Variants in MAGT1 observed in about 807,000 individuals in gnomAD.
The protein encoded by MAGT1 is dolichyl-diphosphooligosaccharide--protein glycosyltransferase subunit MAGT1.
MAGT1 carries 4 observed loss-of-function variants against 28.4 expected under a neutral mutation model. The observed-to-expected ratio is 0.14, with a 90% CI of 0.07 to 0.32. The LOEUF is 0.32. Among genes scored for constraint, MAGT1 ranks in the 10% least tolerant of loss-of-function variants. The pLI is 1.00. For synonymous variants in MAGT1, 89 were observed against 89.7 expected (o/e 0.99, Z 0.04); for missense variants, 193 against 264.5 (o/e 0.73, Z 1.88).
intron 2 of MAGT1, among the ~76,000 whole-genome samples, chrX:77,871,477 G>A (rs782324570): frequency 3.6e-5 from 4 of 112,162 alleles, no homozygotes; most frequent in African/African-American, 1.3e-4. Flanking sequence ...GGAGGCTGAG[G>A]TGGGTGGATC....
At chrX:77,857,582 C>T in intron 3 of MAGT1, 85 bp from the exon 4 acceptor site, 1 of 1,094,936 alleles carries the variant, frequency 9.1e-7, no homozygotes, top group Admixed American at 2.2e-5. Context: ...AGGCATTTTA[C>T]AAAGATGAGG....
chrX:77,858,671 T>C (rs1175820966), intron 3 of MAGT1, among the ~76,000 whole-genome samples: 1 of 111,724 alleles, frequency 9.0e-6, no homozygotes, highest in Non-Finnish European at 1.9e-5. Context: ...AATTAATGAA[T>C]TAATAGATTA....
chrX:77,890,941 T>C (rs1263281750), intron 1 of MAGT1, among the ~76,000 whole-genome samples: 1 of 111,628 alleles, frequency 9.0e-6, no homozygotes, highest in Non-Finnish European at 1.9e-5. Flanking sequence ...AGCATTATGA[T>C]GACCATTTTT....
chrX:77,888,659 C>T (rs868976653), intron 1 of MAGT1, among the ~76,000 whole-genome samples: 5 of 111,190 alleles, frequency 4.5e-5, no homozygotes, highest in Non-Finnish European at 7.5e-5. Flanking sequence ...CTATTAATTA[C>T]GATTTAAAGC....
chrX:77,859,141 G>T (rs1557216261), intron 3 of MAGT1, among the ~76,000 whole-genome samples: 1 of 111,345 alleles, frequency 9.0e-6, no homozygotes, highest in African/African-American at 3.3e-5. Flanking sequence ...CCGGGAGGCG[G>T]AGGTTGCAGT....
intron 8 of MAGT1, among the ~76,000 whole-genome samples, chrX:77,839,268 C>T (rs1474197562): frequency 9.4e-5 from 10 of 106,487 alleles, no homozygotes; most frequent in African/African-American, 1.4e-4. Flanking sequence ...CGCGCCACCG[C>T]ACTCCAGCCT....
At chrX:77,863,080 T>G (rs1569548083) in intron 3 of MAGT1, among the ~76,000 whole-genome samples, 1 of 109,304 alleles carries the variant, frequency 9.1e-6, no homozygotes, top group Non-Finnish European at 1.9e-5. Context: ...GGCAGGAGAA[T>G]CGCTTGAACC....
intron 7 of MAGT1, among the ~76,000 whole-genome samples, chrX:77,852,031 A>G (rs1175364234): frequency 9.2e-6 from 1 of 108,285 alleles, no homozygotes; most frequent in Non-Finnish European, 1.9e-5. Flanking sequence ...CCTGAGTAGC[A>G]GGGATTACAG....
Position 77,844,977 on chromosome X carries a change from G to A in MAGT1, c.827-3657C>T, listed in dbSNP as rs781918544. ...TATTAGGTCCGCTTGGTGCAGAGCT[G>A]AGTTCAATTCCTGGATATCCTTGTT... On this transcript the variant is annotated intron_variant, in intron 7 of 9. Transcript: ENST00000618282. Among the ~76,000 whole-genome samples the A allele has an allele frequency of 9.8e-4, 109 of 111,229 alleles. 1 individual carries two copies. Among genetic ancestry groups the A allele is most frequent in the African/African-American group, 3.5e-3 (106 of 30,649 alleles).
At chrX:77,871,893 C>T (rs1321054863) in intron 2 of MAGT1, among the ~76,000 whole-genome samples, 1 of 110,980 alleles carries the variant, frequency 9.0e-6, no homozygotes, top group African/African-American at 3.3e-5. Flanking sequence ...CCATATCTCC[C>T]ATATGCTTTC....
intron 1 of MAGT1, among the ~76,000 whole-genome samples, chrX:77,883,553 CTTTTTT>C (rs1166624171): frequency 3.2e-5 from 2 of 61,709 alleles, no homozygotes; most frequent in African/African-American, 5.9e-5. Flanking sequence ...AATTCATTTT[CTTTTTT>C]TTTTTTTTTT....
intron 1 of MAGT1, among the ~76,000 whole-genome samples, chrX:77,885,027 A>C (rs1391890771): frequency 4.9e-5 from 5 of 102,786 alleles, no homozygotes; most frequent in Non-Finnish European, 9.9e-5. Flanking sequence ...ATGCCACTGC[A>C]CTTCAGCCTG....
At chrX:77,842,554 T>C (rs1259643396) in intron 7 of MAGT1, among the ~76,000 whole-genome samples, 1 of 112,036 alleles carries the variant, frequency 8.9e-6, no homozygotes, top group African/African-American at 3.2e-5. Context: ...TGGCCGTGCG[T>C]GGTGGCTCAC....
At position 77,833,021 on chromosome X, in the gene MAGT1, A is replaced by G. The variant is rs1053633518; in HGVS notation, c.902-2126T>C. ...GAAGTGCAGCTTGCTGCCAATGCTC[A>G]TTTAATTTTATATAATCACGCTGTT... On this transcript the variant is annotated intron_variant, in intron 8 of 9. Coordinates refer to ENST00000618282, the MANE Select transcript of MAGT1 (RefSeq NM_001367916.1). Among the ~76,000 whole-genome samples the G allele has an allele frequency of 3.5e-4, 39 of 111,643 alleles. No homozygotes were observed. The Admixed American group carries it at 3.6e-3, about 10-fold the overall frequency.
At chrX:77,859,912 T>C (rs957349340) in intron 3 of MAGT1, among the ~76,000 whole-genome samples, 25 of 111,306 alleles carry the variant, frequency 2.2e-4, no homozygotes, top group African/African-American at 8.1e-4. Flanking sequence ...CCAAAGTGGC[T>C]GTGCCAAAAT....
intron 7 of MAGT1, among the ~76,000 whole-genome samples, chrX:77,842,375 T>C (rs1369268582): frequency 5.4e-5 from 6 of 110,331 alleles, no homozygotes; most frequent in African/African-American, 2.0e-4. Context: ...GCCTGCATGA[T>C]AGAACTAGAC....
At chrX:77,840,339 G>C (rs2076931516) in intron 8 of MAGT1, among the ~76,000 whole-genome samples, 1 of 109,088 alleles carries the variant, frequency 9.2e-6, no homozygotes, top group African/African-American at 3.3e-5. Context: ...AGGAGGCTGA[G>C]GCAGGAGAAT....
chrX:77,847,167 C>A (rs888480197), intron 7 of MAGT1, among the ~76,000 whole-genome samples: 5 of 112,400 alleles, frequency 4.4e-5, no homozygotes, highest in Non-Finnish European at 9.4e-5. Context: ...TGCCGCCCTG[C>A]AGTTTGATCT....
At chrX:77,852,233 T>A (rs782756103) in intron 7 of MAGT1, among the ~76,000 whole-genome samples, 1 of 112,250 alleles carries the variant, frequency 8.9e-6, no homozygotes, top group East Asian at 2.8e-4. Context: ...ATGGACTAGG[T>A]GTATATTGTT....
Sources: gnomAD v4.1 joint callset for allele counts (sites outside exome capture counted in the v4.1 genomes callset) on GRCh38, gnomAD v4.1.1 for gene constraint, MANE v1.5 for transcripts, NCBI Gene and HGNC (gene_info 2026-07-23, HGNC 2026-07-21) for gene names.